The following SLC35F3 variants were observed in gnomAD, a reference collection of about 807,000 sequenced individuals.
SLC35F3 encodes solute carrier family 35 member F3, also known as putative thiamine transporter SLC35F3.
SLC35F3 carries 25 observed loss-of-function variants against 49.9 expected under a neutral mutation model. The ratio of observed to expected loss-of-function variants is 0.50; its 90% CI spans 0.37 to 0.70. The LOEUF (loss-of-function observed/expected upper bound fraction) is 0.70. Ranked by LOEUF, SLC35F3 falls within the 30% of genes least tolerant of loss-of-function variation. The probability of loss-of-function intolerance (pLI) is 0.00; values close to 1 mark genes in which losing one functional copy is unlikely to be tolerated. For synonymous variants in SLC35F3, 275 were observed against 265.4 expected (o/e 1.04, Z -0.35); for missense variants, 525 against 639.8 (o/e 0.82, Z 1.94).
At chr1:234,138,850 G>T (rs1407562319) in intron 2 of SLC35F3, among the ~76,000 whole-genome samples, 1 of 152,138 alleles carries the variant, frequency 6.6e-6, no homozygotes, top group Non-Finnish European at 1.5e-5. Context: ...ACTGCCCCTG[G>T]CCTTGTTGCT....
chr1:234,238,712 A>ATTCT (rs1382351228), intron 3 of SLC35F3, among the ~76,000 whole-genome samples: 1 of 152,182 alleles, frequency 6.6e-6, no homozygotes, highest in Non-Finnish European at 1.5e-5. Context: ...AGTTCAGAAT[A>ATTCT]TTCTTTCTAC....
intron 3 of SLC35F3, among the ~76,000 whole-genome samples, chr1:234,242,506 C>T (rs1217527454): frequency 6.6e-6 from 1 of 152,224 alleles, no homozygotes; most frequent in East Asian, 1.9e-4. Flanking sequence ...TTTGTGGCCA[C>T]ACCTCATACT....
chr1:234,060,351 T>C (rs924747052), intron 2 of SLC35F3, among the ~76,000 whole-genome samples: 1 of 152,232 alleles, frequency 6.6e-6, no homozygotes, highest in African/African-American at 2.4e-5. Context: ...TTTCTAACTA[T>C]TATTGTTGAA....
chr1:233,952,371 G>A (rs1022865817), intron 2 of SLC35F3, among the ~76,000 whole-genome samples: 9 of 152,262 alleles, frequency 5.9e-5, no homozygotes, highest in African/African-American at 2.2e-4. Context: ...ATTATTTGTG[G>A]AAAGCTGGGG....
chr1:234,196,142 C>T (rs1666806664), intron 2 of SLC35F3, among the ~76,000 whole-genome samples: 2 of 152,148 alleles, frequency 1.3e-5, no homozygotes, highest in African/African-American at 4.8e-5. Context: ...TTCCCTAGGA[C>T]ACGCCCACCA....
At chr1:233,908,331 G>C (rs969271558) in intron 2 of SLC35F3, among the ~76,000 whole-genome samples, 1 of 152,138 alleles carries the variant, frequency 6.6e-6, no homozygotes, top group Non-Finnish European at 1.5e-5. Context: ...GTTTCTGGAT[G>C]TAAGTCATTT....
rs1572087116 is a variant in SLC35F3 at position 234,188,332 on chromosome 1, A to G, written c.284-43085A>G. ...CTGTTCACCCACTGCCTGGAAACAG[A>G]CTCAGTGCTGGTGAGGTGGGGGGCA... On this transcript the variant is annotated intron_variant, in intron 2 of 7. Transcript: ENST00000366618. Among the ~76,000 whole-genome samples the G allele has an allele frequency of 2.0e-5, 3 of 151,736 alleles. No homozygotes were observed. The East Asian group carries it at 5.8e-4, about 29-fold the overall frequency.
chr1:234,270,847 G>A lies in SLC35F3; in HGVS notation c.609-38254G>A, dbSNP rs1572127000. 2.0e-5 allele frequency among the ~76,000 whole-genome samples: 3 copies of A among 152,256 alleles called. No homozygotes were observed. In the South Asian group the frequency reaches 6.2e-4, roughly 32 times the overall value. ...CTTGTCAAGGTGGGAGGCAGGTGTT[G>A]TAGTGGCCCAGGAGAGGCAAGCTTG... On this transcript the variant is annotated intron_variant, in intron 3 of 7. Transcript: ENST00000366618.
At chr1:234,308,367 G>A (rs959477889) in intron 3 of SLC35F3, among the ~76,000 whole-genome samples, 5 of 152,084 alleles carry the variant, frequency 3.3e-5, no homozygotes, top group South Asian at 2.1e-4. Context: ...TCCAACCCCC[G>A]TCCCACAGGC....
chr1:234,232,786 C>A (rs1485952201), intron 3 of SLC35F3, among the ~76,000 whole-genome samples: 1 of 152,056 alleles, frequency 6.6e-6, no homozygotes, highest in African/African-American at 2.4e-5. Context: ...GTCCAAGGAA[C>A]AAAGAGGTTT....
At chr1:234,030,518 A>G (rs1187266326) in intron 2 of SLC35F3, among the ~76,000 whole-genome samples, 2 of 152,212 alleles carry the variant, frequency 1.3e-5, no homozygotes, top group African/African-American at 4.8e-5. Flanking sequence ...GATTAGGGCC[A>G]GTTGATTATT....
At chr1:234,011,924 G>C (rs1663727221) in intron 2 of SLC35F3, among the ~76,000 whole-genome samples, 1 of 152,098 alleles carries the variant, frequency 6.6e-6, no homozygotes, top group Admixed American at 6.6e-5. Context: ...AGTGGGCCCA[G>C]GGGACTGGCA....
At chr1:234,137,584 A>AGG (rs1274243881) in intron 2 of SLC35F3, among the ~76,000 whole-genome samples, 2 of 152,178 alleles carry the variant, frequency 1.3e-5, no homozygotes, top group African/African-American at 2.4e-5. Context: ...AAAGAGAGAG[A>AGG]GACACAGCTT....
intron 2 of SLC35F3, among the ~76,000 whole-genome samples, chr1:234,183,654 G>A (rs1235382213): frequency 7.0e-6 from 1 of 142,856 alleles, no homozygotes; most frequent in Non-Finnish European, 1.5e-5. Context: ...ATATCCATAT[G>A]TCATCAATGC....
intron 2 of SLC35F3, among the ~76,000 whole-genome samples, chr1:234,225,260 A>T (rs1386056709): frequency 1.3e-5 from 2 of 152,264 alleles, no homozygotes; most frequent in Non-Finnish European, 2.9e-5. Flanking sequence ...AGTAGAAAAG[A>T]TAAACAAAGC....
intron 2 of SLC35F3, among the ~76,000 whole-genome samples, chr1:233,951,169 C>T (rs1662601257): frequency 6.6e-6 from 1 of 151,106 alleles, no homozygotes. Flanking sequence ...AGTCATGCAC[C>T]ATGTAACAAT....
At chr1:234,169,684 G>A (rs1427808171) in intron 2 of SLC35F3, among the ~76,000 whole-genome samples, 1 of 152,172 alleles carries the variant, frequency 6.6e-6, no homozygotes, top group Non-Finnish European at 1.5e-5. Context: ...TCCTCACCAT[G>A]GCCCAGTAAG....
chr1:234,069,150 T>G lies in SLC35F3; in HGVS notation c.284-162267T>G, dbSNP rs1317631881. Among the ~76,000 whole-genome samples, 52 of 136,588 alleles carry G rather than the reference T, an allele frequency of 3.8e-4. 1 individual carries two copies. The highest frequency in any genetic ancestry group is 1.7e-4 in the Non-Finnish European group (11 of 64,900). The allele number at this position is 136,588 out of a possible 152,430, so 89.6% of individuals were successfully genotyped here. On this transcript the variant is annotated intron_variant, in intron 2 of 7. Transcript: ENST00000366618. ...ATAAAATATATAATATATAATATAT[T>G]TATAGACAATAATATATAATATAAT...
intron 2 of SLC35F3, among the ~76,000 whole-genome samples, chr1:233,929,757 G>C (rs184279239): frequency 6.6e-6 from 1 of 152,288 alleles, no homozygotes; most frequent in Non-Finnish European, 1.5e-5. Context: ...ATTTTCCAGA[G>C]AGCAGAGGAA....
Sources: allele counts gnomAD v4.1 joint callset (sites outside exome capture counted in the v4.1 genomes callset), GRCh38; gene constraint gnomAD v4.1.1; transcripts MANE v1.5; gene names NCBI Gene and HGNC (gene_info 2026-07-23, HGNC 2026-07-21).